The following CLIC5 variants were observed in gnomAD, a reference collection of about 807,000 sequenced individuals.
CLIC5 encodes chloride intracellular channel protein 5.
A neutral mutation model predicts 24.7 loss-of-function variants in CLIC5; 20 were observed. That is an observed-to-expected ratio of 0.81 (90% CI 0.57 to 1.18). CLIC5 has a LOEUF of 1.18. Among genes scored for constraint, CLIC5 ranks in the 50% most tolerant of loss-of-function variants. The pLI is 0.00. For synonymous variants in CLIC5, 159 were observed against 135.6 expected (o/e 1.17, Z -1.20); for missense variants, 341 against 326.1 (o/e 1.05, Z -0.35).
chr6:46,006,935 G>T (rs1766608221), intron 1 of CLIC5, among the ~76,000 whole-genome samples: 1 of 152,092 alleles, frequency 6.6e-6, no homozygotes, highest in African/African-American at 2.4e-5. Context: ...GCCTCCCAAA[G>T]TGCTGAGATT....
At chr6:45,945,258 A>G (rs1437509815) in intron 3 of CLIC5, among the ~76,000 whole-genome samples, 1 of 152,160 alleles carries the variant, frequency 6.6e-6, no homozygotes, top group Non-Finnish European at 1.5e-5. Context: ...GATCAACAGT[A>G]TGGTTCTTGT....
Position 46,079,798 on chromosome 6 carries a change from A to T in CLIC5, c.445T>A (p.Phe149Ile), listed in dbSNP as rs781433678. The T allele has an allele frequency of 2.8e-5, 44 of 1,552,084 alleles. No homozygotes were observed. In the Admixed American group the frequency reaches 3.1e-4, roughly 11 times the overall value. ...TAGCAGGAATACTTGGTGGTAGAGAAGGCCTTACTGTGCTGAATGGTGAAG... is the reference window on the plus strand; with the variant it reads ...TAGCAGGAATACTTGGTGGTAGAGATGGCCTTACTGTGCTGAATGGTGAAG... The change falls in exon 1 of 6, where the codon TTC becomes ATC. Residue 149 changes from phenylalanine to isoleucine, a missense_variant. Phe to Ile is a conservative substitution (Grantham distance 21). Transcript: ENST00000185206.
intron 1 of CLIC5, among the ~76,000 whole-genome samples, chr6:46,065,435 T>C (rs1429158898): frequency 6.6e-6 from 1 of 151,440 alleles, no homozygotes; most frequent in East Asian, 1.9e-4. Flanking sequence ...AAATGAAATA[T>C]AAAACATAAT....
intron 1 of CLIC5, among the ~76,000 whole-genome samples, chr6:46,052,653 G>A (rs1338792921): frequency 6.6e-6 from 1 of 152,152 alleles, no homozygotes; most frequent in African/African-American, 2.4e-5. Flanking sequence ...CTCCATTGGA[G>A]GGAGTCAGTG....
At chr6:46,024,529 C>T (rs766173810) in intron 1 of CLIC5, among the ~76,000 whole-genome samples, 2 of 152,142 alleles carry the variant, frequency 1.3e-5, no homozygotes, top group Non-Finnish European at 2.9e-5. Context: ...AGAGTAAAGC[C>T]AACAGAGAGA....
chr6:45,946,556 T>G (rs929131995), intron 3 of CLIC5, among the ~76,000 whole-genome samples: 2 of 152,084 alleles, frequency 1.3e-5, no homozygotes, highest in Middle Eastern at 3.2e-3. Context: ...GCTTGGTGAA[T>G]GGTTATGAGG....
intron 1 of CLIC5, among the ~76,000 whole-genome samples, chr6:46,037,903 G>C (rs1767706187): frequency 6.6e-6 from 1 of 152,180 alleles, no homozygotes; most frequent in African/African-American, 2.4e-5. Context: ...AAGACATTTT[G>C]CTGTGTGGGT....
At chr6:46,034,133 CCTTT>C (rs1767597244) in intron 1 of CLIC5, among the ~76,000 whole-genome samples, 1 of 152,114 alleles carries the variant, frequency 6.6e-6, no homozygotes, top group Non-Finnish European at 1.5e-5. Flanking sequence ...GTGGGGAGAC[CCTTT>C]CTTTGTTTTA....
At chr6:45,894,801 C>T (rs931530815), downstream of CLIC5, among the ~76,000 whole-genome samples, 3 of 152,166 alleles carry the variant, frequency 2.0e-5, no homozygotes, top group East Asian at 1.9e-4. Flanking sequence ...AATGTAAAAG[C>T]TTTGAATCCA....
At chr6:46,056,858 C>G (rs1768274552) in intron 1 of CLIC5, among the ~76,000 whole-genome samples, 1 of 152,158 alleles carries the variant, frequency 6.6e-6, no homozygotes, top group Non-Finnish European at 1.5e-5. Flanking sequence ...TTCCTGCCTA[C>G]TGCACAAATC....
chr6:45,927,390 G>A (rs1482597265), intron 4 of CLIC5, among the ~76,000 whole-genome samples: 1 of 152,142 alleles, frequency 6.6e-6, no homozygotes, highest in Non-Finnish European at 1.5e-5. Flanking sequence ...TATCTGCTTC[G>A]TAACAAGACC....
At chr6:45,889,045 G>A (rs1012368313) in intron 6 of CLIC5, among the ~76,000 whole-genome samples, 2 of 152,154 alleles carry the variant, frequency 1.3e-5, no homozygotes, top group Non-Finnish European at 2.9e-5. Flanking sequence ...AAAAGGAATG[G>A]GAGGTGATCC....
At chr6:45,918,869 G>T in intron 4 of CLIC5, 1 of 782,690 alleles carries the variant, frequency 1.3e-6, no homozygotes, top group Non-Finnish European at 1.6e-6. Context: ...ACACAATGAG[G>T]CTATTGAGAT....
Position 45,906,027 on chromosome 6 carries a change from G to A in CLIC5, c.589-2772C>T, listed in dbSNP as rs975920566. 8.5e-5 allele frequency among the ~76,000 whole-genome samples: 13 copies of A among 152,284 alleles called. No individual in the cohort carries two copies. In the East Asian group the frequency reaches 2.5e-3, roughly 29 times the overall value. ...TGGAAGATCAGATGACCGTAGGTGT[G>A]TGGCTTTATTTCTGGGTTCTCTTTT... On this transcript the variant is annotated intron_variant, in intron 5 of 5. Transcript: ENST00000339561.
intron 3 of CLIC5, 71 bp downstream of exon 3, chr6:45,949,185 A>T (rs1764384856): frequency 6.5e-7 from 1 of 1,530,660 alleles, no homozygotes; most frequent in African/African-American, 1.4e-5. Flanking sequence ...GCCCGAAGTT[A>T]ACACCAGGAC....
intron 1 of CLIC5, among the ~76,000 whole-genome samples, chr6:45,968,497 G>A (rs1478945306): frequency 2.0e-5 from 3 of 152,072 alleles, no homozygotes; most frequent in Non-Finnish European, 4.4e-5. Context: ...TATCTCCTAT[G>A]TGAGATCCTG....
chr6:45,922,825 G>GAGAGAT (rs1407178525), intron 4 of CLIC5, among the ~76,000 whole-genome samples: 5 of 147,856 alleles, frequency 3.4e-5, no homozygotes, highest in Admixed American at 2.7e-4. Flanking sequence ...GAGAGAGAAA[G>GAGAGAT]AGAGAGAGAT....
chr6:45,973,829 C>T (rs1765284337), intron 1 of CLIC5, among the ~76,000 whole-genome samples: 1 of 151,764 alleles, frequency 6.6e-6, no homozygotes, highest in South Asian at 2.1e-4. Context: ...ACTTGGGAGG[C>T]TGAGGCAGGA....
chr6:46,062,780 G>A (rs376121529), intron 1 of CLIC5, among the ~76,000 whole-genome samples: 7 of 152,190 alleles, frequency 4.6e-5, no homozygotes, highest in African/African-American at 1.4e-4. Context: ...AACACTTGGG[G>A]CTGAGTATTG....
Sources: gnomAD v4.1 joint callset for allele counts (sites outside exome capture counted in the v4.1 genomes callset) on GRCh38, gnomAD v4.1.1 for gene constraint, MANE v1.5 for transcripts, NCBI Gene and HGNC (gene_info 2026-07-23, HGNC 2026-07-21) for gene names.